Variants in SP100 observed in about 807,000 individuals in gnomAD.
SP100 encodes nuclear autoantigen Sp-100.
A neutral mutation model predicts 130.0 loss-of-function variants in SP100; 84 were observed. That is an observed-to-expected ratio of 0.65 (90% CI 0.54 to 0.77). The LOEUF is 0.77. Ranked by LOEUF, SP100 falls within the 30% of genes least tolerant of loss-of-function variation. SP100 has a pLI of 0.00. For synonymous variants in SP100, 331 were observed against 351.7 expected (o/e 0.94, Z 0.66); for missense variants, 978 against 1,052.2 (o/e 0.93, Z 0.97).
chr2:230,461,297 A>C lies in SP100; in HGVS notation c.856A>C (p.Ile286Leu). The C allele has an allele frequency of 6.2e-7, 1 of 1,614,144 alleles. No homozygotes were observed. The highest frequency in any genetic ancestry group is 8.5e-7 in the Non-Finnish European group (1 of 1,179,970). Residue 286 changes from isoleucine (I) to leucine (L), a missense_variant, in exon 9 of 29, where the codon ATT becomes CTT. Transcript: ENST00000340126. ...EAELHNHGIQ[I>L]NSCSVRLVDI... Reference sequence around the variant, plus strand: ...AGAGCTACACAACCATGGAATCCAAATTAATTCCTGTTCTGTGCGACTGGT... The same window carrying C: ...AGAGCTACACAACCATGGAATCCAACTTAATTCCTGTTCTGTGCGACTGGT...
chr2:230,541,038 A>C (rs745438551), intron 26 of SP100, 42 bp downstream of exon 26: 1 of 1,584,172 alleles, frequency 6.3e-7, no homozygotes, highest in South Asian at 1.1e-5. Flanking sequence ...CTTTCTGTTC[A>C]CCTGGGCAGG....
intron 24 of SP100, among the ~76,000 whole-genome samples, chr2:230,521,067 C>T (rs1194083113): frequency 3.3e-5 from 5 of 152,140 alleles, no homozygotes. Flanking sequence ...ATCACAAGAC[C>T]TTCCCAAGGT....
At chr2:230,470,422 T>C (rs190255018) in intron 15 of SP100, 37 of 1,008,228 alleles carry the variant, frequency 3.7e-5, no homozygotes, top group Non-Finnish European at 4.3e-5. Context: ...TTTATAGTGA[T>C]AAATGGGTTG....
intron 2 of SP100, among the ~76,000 whole-genome samples, chr2:230,422,915 G>A (rs556252834): frequency 6.6e-6 from 1 of 152,268 alleles, no homozygotes; most frequent in South Asian, 2.1e-4. Context: ...AAGCAACTTT[G>A]TGACCTACAA....
intron 10 of SP100, 29 bp downstream of exon 10, chr2:230,462,547 G>A (rs780663942): frequency 1.3e-6 from 2 of 1,531,970 alleles, no homozygotes; most frequent in Non-Finnish European, 1.8e-6. Flanking sequence ...GCAAGGCTTG[G>A]GCTGTGGGAA....
intron 17 of SP100, among the ~76,000 whole-genome samples, chr2:230,487,118 G>T (rs913028497): frequency 2.0e-5 from 3 of 152,166 alleles, no homozygotes; most frequent in Non-Finnish European, 2.9e-5. Context: ...ACATTCTGTA[G>T]GTTGCCTGTT....
chr2:230,502,993 T>G, intron 19 of SP100, 73 bp from the exon 20 acceptor site: 1 of 1,181,232 alleles, frequency 8.5e-7, no homozygotes, highest in Non-Finnish European at 1.2e-6. Context: ...AAGTTGCATT[T>G]GAATGGTGGT....
At chr2:230,447,990 G>C (rs533806383) in intron 5 of SP100, among the ~76,000 whole-genome samples, 38 of 152,262 alleles carry the variant, frequency 2.5e-4, no homozygotes, top group African/African-American at 8.7e-4. Context: ...GTCGAAAAGG[G>C]GTTGTTATGA....
intron 17 of SP100, among the ~76,000 whole-genome samples, chr2:230,486,335 T>G (rs908832680): frequency 1.3e-5 from 2 of 152,084 alleles, no homozygotes; most frequent in African/African-American, 4.8e-5. Flanking sequence ...TCCCCTCACC[T>G]TCCACCCCAC....
intron 24 of SP100, 67 bp downstream of exon 24, chr2:230,511,233 G>A (rs1204433285): frequency 1.9e-6 from 2 of 1,071,446 alleles, no homozygotes; most frequent in Non-Finnish European, 2.9e-6. Context: ...ACTATGTCAT[G>A]ACTGCCTTTC....
intron 12 of SP100, 146 bp downstream of exon 12, chr2:230,466,500 T>C (rs997377761): frequency 5.2e-5 from 31 of 594,408 alleles, no homozygotes; most frequent in Admixed American, 9.6e-5. Context: ...ATTTCAATGG[T>C]TCCTATTTTA....
At chr2:230,451,269 G>T (rs564509617) in intron 8 of SP100, among the ~76,000 whole-genome samples, 45 of 152,242 alleles carry the variant, frequency 3.0e-4, no homozygotes, top group Admixed American at 2.7e-3. Context: ...GTGTACAAAG[G>T]TTCCCTTTTC....
Position 230,416,223 on chromosome 2 carries a change from C to A in SP100, c.-74C>A. On this transcript the variant is annotated 5_prime_UTR_variant, in exon 1 of 29. The change creates a new upstream start codon in the 5' untranslated region. Transcript: ENST00000340126. The stretch of plus-strand genomic sequence containing the variant: ...CCTGCTTGGGGCCTGGGCAGCCACA[C>A]TGCACGCAGGCTGGGCCGACTGAGG... 1.5e-6 allele frequency: 2 copies of A among 1,293,092 alleles called. No homozygotes were observed. Among genetic ancestry groups the A allele is most frequent in the Non-Finnish European group, 2.2e-6 (2 of 898,724 alleles). The allele number at this position is 1,293,092 out of a possible 1,614,324, so 80.1% of individuals were successfully genotyped here.
intron 2 of SP100, among the ~76,000 whole-genome samples, chr2:230,423,497 A>AT (rs1300020068): frequency 1.3e-5 from 2 of 151,400 alleles, no homozygotes; most frequent in Non-Finnish European, 2.9e-5. Context: ...TTAAATCTTG[A>AT]TTTTCTTTAT....
intron 1 of SP100, chr2:230,416,995 G>A: frequency 2.1e-6 from 1 of 472,356 alleles, no homozygotes; most frequent in Non-Finnish European, 2.8e-6. Flanking sequence ...AGTGAGTTGA[G>A]AAATAACATT....
chr2:230,433,014 TGGG>T (rs59525389), intron 2 of SP100, among the ~76,000 whole-genome samples: 3 of 151,934 alleles, frequency 2.0e-5, no homozygotes, highest in African/African-American at 7.3e-5. Flanking sequence ...AAAATGAAAA[TGGG>T]GGGATCCTTG....
intron 24 of SP100, among the ~76,000 whole-genome samples, chr2:230,536,609 A>G (rs13017587): frequency 0.49 from 74,689 of 151,812 alleles, 18,600 homozygotes; most frequent in South Asian, 0.56. Flanking sequence ...CCTGTTAACC[A>G]ATTCCTCCTT....
chr2:230,421,460 A>G (rs1367876777), intron 2 of SP100, among the ~76,000 whole-genome samples: 1 of 151,650 alleles, frequency 6.6e-6, no homozygotes, highest in African/African-American at 2.4e-5. Context: ...TTGGTTTACC[A>G]CATTATCCAG....
intron 17 of SP100, among the ~76,000 whole-genome samples, chr2:230,481,268 A>G (rs776050250): frequency 3.9e-5 from 6 of 152,104 alleles, no homozygotes; most frequent in Non-Finnish European, 8.8e-5. Context: ...TCTTACTCCA[A>G]ACTTCTACCT....
Sources: gnomAD v4.1 joint callset for allele counts (sites outside exome capture counted in the v4.1 genomes callset) on GRCh38, gnomAD v4.1.1 for gene constraint, MANE v1.5 for transcripts, NCBI Gene and HGNC (gene_info 2026-07-23, HGNC 2026-07-21) for gene names.